SLX9: variants seen among roughly 807,000 people sequenced by gnomAD.
SLX9 encodes ribosome biogenesis protein SLX9 homolog.
Under a neutral mutation model 20.8 loss-of-function variants are expected in SLX9, and 19 were observed. The ratio of observed to expected loss-of-function variants is 0.91; its 90% CI spans 0.64 to 1.34. SLX9 has a LOEUF of 1.34. SLX9 is among the 40% of genes most tolerant of loss of function. The pLI, the probability that SLX9 is intolerant of heterozygous loss-of-function variation, is 0.00. For synonymous variants in SLX9, 113 were observed against 137.1 expected (o/e 0.82, Z 1.23); for missense variants, 299 against 322.2 (o/e 0.93, Z 0.55).
At chr21:44,969,098 C>T in intron 4 of SLX9, 1 of 450,274 alleles carries the variant, frequency 2.2e-6, no homozygotes, top group Non-Finnish European at 4.7e-6. Context: ...TACTAACTTT[C>T]CATCTGGGCA....
chr21:44,972,538 G>A (rs2085169939), intron 4 of SLX9, among the ~76,000 whole-genome samples: 1 of 152,192 alleles, frequency 6.6e-6, no homozygotes, highest in South Asian at 2.1e-4. Flanking sequence ...TGTCCATGGG[G>A]GACTGCAGTG....
chr21:44,955,951 G>A (rs1319321120), intron 2 of SLX9, among the ~76,000 whole-genome samples: 1 of 152,026 alleles, frequency 6.6e-6, no homozygotes, highest in Non-Finnish European at 1.5e-5. Context: ...CACCCAAGTC[G>A]GCCTCCGCCT....
At chr21:44,951,018 C>T (rs1438126411) in intron 2 of SLX9, among the ~76,000 whole-genome samples, 3 of 152,090 alleles carry the variant, frequency 2.0e-5, no homozygotes, top group African/African-American at 4.8e-5. Context: ...GTACACGTGT[C>T]GTGGGCACAG....
At chr21:44,951,599 C>T (rs539566912) in intron 2 of SLX9, among the ~76,000 whole-genome samples, 13 of 152,272 alleles carry the variant, frequency 8.5e-5, no homozygotes, top group African/African-American at 2.2e-4. Context: ...GAGAAAGCAG[C>T]GCGTATGCAC....
chr21:44,972,933 C>T, intron 4 of SLX9: 3 of 567,876 alleles, frequency 5.3e-6, no homozygotes, highest in East Asian at 2.9e-5. Flanking sequence ...CCACACGGAG[C>T]AGCTTGGGGC....
chr21:44,967,070 G>C lies in SLX9; in HGVS notation c.389G>C (p.Arg130Thr). The change falls in exon 4 of 6, where the codon AGG becomes ACG. Residue 130 changes from arginine (R) to threonine (T), a missense_variant. Coordinates refer to ENST00000291634, the MANE Select transcript of SLX9 (RefSeq NM_058190.4). Reference sequence around the variant, plus strand: ...ATAAAACTGGCTGAGCAGAAGCACAGGGAGGAGCGGAGGCGGAGGGCCACG... The same window carrying C: ...ATAAAACTGGCTGAGCAGAAGCACACGGAGGAGCGGAGGCGGAGGGCCACG... ...EAIKLAEQKH[R>T]EERRRRATVV... 1.2e-6 allele frequency: 2 copies of C among 1,611,692 alleles called. No individual in the cohort carries two copies. The highest frequency in any genetic ancestry group is 1.7e-6 in the Non-Finnish European group (2 of 1,179,658).
At chr21:44,949,189 T>C (rs1172613700) in intron 2 of SLX9, among the ~76,000 whole-genome samples, 1 of 152,190 alleles carries the variant, frequency 6.6e-6, no homozygotes, top group East Asian at 1.9e-4. Flanking sequence ...GAGCCCCGAC[T>C]TGGCTGCTGC....
chr21:44,969,192 G>A (rs563479651), intron 4 of SLX9: 41 of 470,364 alleles, frequency 8.7e-5, no homozygotes, highest in African/African-American at 6.4e-4. Flanking sequence ...GGCAGGTCAC[G>A]CGCTGCAGGC....
intron 2 of SLX9, among the ~76,000 whole-genome samples, chr21:44,947,176 C>G (rs1388277852): frequency 1.3e-5 from 2 of 152,212 alleles, no homozygotes; most frequent in East Asian, 3.8e-4. Context: ...CACCCCACCC[C>G]GGGTTTGTGC....
intron 4 of SLX9, chr21:44,968,985 C>G (rs1249950552): frequency 2.7e-6 from 1 of 368,610 alleles, no homozygotes; most frequent in African/African-American, 2.1e-5. Flanking sequence ...GATCTCCTGA[C>G]CTCGTGATCC....
chr21:44,955,330 G>A (rs916929693), intron 2 of SLX9, among the ~76,000 whole-genome samples: 36 of 152,116 alleles, frequency 2.4e-4, no homozygotes, highest in African/African-American at 7.5e-4. Context: ...TGCTGGGCAC[G>A]TGCACCACCC....
chr21:44,962,097 A>G (rs2146655427), intron 3 of SLX9, among the ~76,000 whole-genome samples: 1 of 152,346 alleles, frequency 6.6e-6, no homozygotes, highest in Middle Eastern at 3.4e-3. Flanking sequence ...TTCAAAGTAA[A>G]TGGCAGACAT....
intron 1 of SLX9, among the ~76,000 whole-genome samples, chr21:44,941,128 A>T (rs1422903635): frequency 2.6e-5 from 4 of 151,964 alleles, no homozygotes; most frequent in Non-Finnish European, 5.9e-5. Flanking sequence ...TTTCTGTTTG[A>T]TGTGAGAATG....
intron 2 of SLX9, among the ~76,000 whole-genome samples, chr21:44,947,059 A>G (rs552293137): frequency 2.4e-4 from 37 of 152,226 alleles, no homozygotes; most frequent in Middle Eastern, 3.4e-3. Context: ...GGTCCTTTGC[A>G]TCTTGGCTGC....
At chr21:44,965,931 G>A (rs1277046147) in intron 3 of SLX9, among the ~76,000 whole-genome samples, 1 of 152,184 alleles carries the variant, frequency 6.6e-6, no homozygotes, top group Non-Finnish European at 1.5e-5. Context: ...TCCAGGCAGG[G>A]TGGAGTAAGC....
intron 2 of SLX9, among the ~76,000 whole-genome samples, chr21:44,945,503 C>G (rs1490843652): frequency 6.6e-6 from 1 of 152,198 alleles, no homozygotes; most frequent in Non-Finnish European, 1.5e-5. Flanking sequence ...CATCTGGTCC[C>G]CAAGGTCACC....
intron 3 of SLX9, among the ~76,000 whole-genome samples, chr21:44,964,375 C>T (rs2838748): frequency 0.066 from 10,052 of 152,128 alleles, 1,105 homozygotes; most frequent in African/African-American, 0.23. Context: ...GAAATTTCCC[C>T]TGTGGATCTG....
At chr21:44,974,496 A>G (rs536505779) in intron 5 of SLX9, among the ~76,000 whole-genome samples, 1 of 152,272 alleles carries the variant, frequency 6.6e-6, no homozygotes, top group Non-Finnish European at 1.5e-5. Context: ...TTTTTACTCT[A>G]GACACTTTGT....
intron 2 of SLX9, chr21:44,958,325 G>C (rs757131040): frequency 6.5e-6 from 1 of 152,686 alleles, no homozygotes; most frequent in Non-Finnish European, 1.5e-5. Flanking sequence ...TGCACTCCCA[G>C]CCCGGCCCTC....
Sources: gnomAD v4.1 joint callset for allele counts (sites outside exome capture counted in the v4.1 genomes callset) on GRCh38, gnomAD v4.1.1 for gene constraint, MANE v1.5 for transcripts, NCBI Gene and HGNC (gene_info 2026-07-23, HGNC 2026-07-21) for gene names.